KANSL1L: variants seen among roughly 807,000 people sequenced by gnomAD.
KANSL1L encodes KAT8 regulatory NSL complex subunit 1 like.
A neutral mutation model predicts 108.6 loss-of-function variants in KANSL1L; 25 were observed. That is an observed-to-expected ratio of 0.23 (90% CI 0.17 to 0.32). The LOEUF (loss-of-function observed/expected upper bound fraction) is 0.32, where lower values mean the gene tolerates loss of function less well. Ranked by LOEUF, KANSL1L falls within the 10% of genes least tolerant of loss-of-function variation. The pLI is 1.00. For synonymous variants in KANSL1L, 405 were observed against 395.1 expected (o/e 1.03, Z -0.30); for missense variants, 1,137 against 1,125.7 (o/e 1.01, Z -0.14).
intron 7 of KANSL1L, among the ~76,000 whole-genome samples, chr2:210,042,104 A>C (rs2094170753): frequency 6.6e-6 from 1 of 152,166 alleles, no homozygotes; most frequent in Non-Finnish European, 1.5e-5. Flanking sequence ...TGTTCTTTGC[A>C]ATTTGTGGGA....
At chr2:210,170,174 T>A (rs924010899) in intron 1 of KANSL1L, 1 of 165,830 alleles carries the variant, frequency 6.0e-6, no homozygotes, top group African/African-American at 2.4e-5. Context: ...TTAGGTTTTG[T>A]GGCTAACAAA....
chr2:210,047,843 C>T (rs1224296295), intron 6 of KANSL1L, among the ~76,000 whole-genome samples: 2 of 152,114 alleles, frequency 1.3e-5, no homozygotes, highest in African/African-American at 4.8e-5. Context: ...TTCTCTATCC[C>T]CACTACTAGC....
intron 3 of KANSL1L, among the ~76,000 whole-genome samples, chr2:210,110,569 T>C (rs2094893940): frequency 6.6e-6 from 1 of 152,084 alleles, no homozygotes; most frequent in African/African-American, 2.4e-5. Context: ...CAGAATATGG[T>C]CAAAGACAGA....
intron 4 of KANSL1L, among the ~76,000 whole-genome samples, chr2:210,102,528 C>A (rs1017713639): frequency 2.0e-5 from 3 of 152,092 alleles, no homozygotes; most frequent in Admixed American, 6.5e-5. Flanking sequence ...AGTGAACAGG[C>A]AACCTACAGA....
At chr2:210,079,590 C>G (rs1481829116) in intron 5 of KANSL1L, among the ~76,000 whole-genome samples, 42 of 46,050 alleles carry the variant, frequency 9.1e-4, no homozygotes, top group South Asian at 1.8e-3. Context: ...GACTCTGTCT[C>G]AAAAAAAAAA....
chr2:210,023,466 T>C (rs192182919), intron 14 of KANSL1L, among the ~76,000 whole-genome samples: 1 of 152,348 alleles, frequency 6.6e-6, no homozygotes, highest in African/African-American at 2.4e-5. Context: ...GAAAGTGTTC[T>C]TAGGTTTGAT....
rs570020317 is a variant in KANSL1L, at chr2:210,023,438, G to A, written c.2734-259C>T. Among the ~76,000 whole-genome samples the A allele has an allele frequency of 2.8e-4, 43 of 152,244 alleles. No homozygotes were observed. The South Asian group carries it at 3.9e-3, about 14-fold the overall frequency. On this transcript the variant is annotated intron_variant, in intron 14 of 14. Coordinates refer to ENST00000281772, the MANE Select transcript of KANSL1L (RefSeq NM_152519.4). ...GCCATAGGCAGTGGTCTTCATTTCC[G>A]ACCTAAGAGTACTTTGGGAAAGTGT... is the stretch of plus-strand genomic sequence containing the variant.
At chr2:210,155,964 A>G (rs918105877) in intron 1 of KANSL1L, among the ~76,000 whole-genome samples, 2 of 152,210 alleles carry the variant, frequency 1.3e-5, no homozygotes, top group African/African-American at 4.8e-5. Flanking sequence ...AACAAAAATG[A>G]TCAAGAAGAA....
chr2:210,049,449 C>G (rs1050163269), intron 6 of KANSL1L, among the ~76,000 whole-genome samples: 5 of 151,808 alleles, frequency 3.3e-5, no homozygotes, highest in African/African-American at 1.2e-4. Context: ...TCCTACCATA[C>G]CACTGGAGTC....
intron 2 of KANSL1L, among the ~76,000 whole-genome samples, chr2:210,143,647 G>A (rs1208431707): frequency 1.3e-5 from 2 of 151,900 alleles, no homozygotes; most frequent in Non-Finnish European, 2.9e-5. Context: ...TTTGCTTTGT[G>A]GTTACCATTA....
Position 210,153,871 on chromosome 2 carries a change from C to T in KANSL1L, c.712G>A (p.Ala238Thr). 1.2e-6 allele frequency: 2 copies of T among 1,612,710 alleles called. 1 individual carries two copies. The highest frequency in any genetic ancestry group is 2.2e-5 in the South Asian group (2 of 90,766). The change falls in exon 2 of 15, where the codon GCT (alanine) becomes ACT (threonine). Residue 238 changes from alanine (A) to threonine (T), a missense_variant. Transcript: ENST00000281772. ...TGCAAATGTTTCTGAGTTCTTCTAG[C>T]CTGGCTAAGTAAAATTTTCTGTTTG... is the stretch of plus-strand genomic sequence containing the variant. ...VSKQKILLSQARRTQKHLQML... is the reference protein window; with the variant it reads ...VSKQKILLSQTRRTQKHLQML...
At chr2:210,159,651 C>T (rs578147640) in intron 1 of KANSL1L, among the ~76,000 whole-genome samples, 1 of 152,300 alleles carries the variant, frequency 6.6e-6, no homozygotes, top group South Asian at 2.1e-4. Context: ...GTAGTAACAA[C>T]ACCTATTTCA....
At position 210,098,792 on chromosome 2, in the gene KANSL1L, A is replaced by G. The variant is rs190340170; in HGVS notation, c.1429-585T>C. Among the ~76,000 whole-genome samples, 5 of 140,922 alleles carry G rather than the reference A, an allele frequency of 3.5e-5. No individual in the cohort carries two copies. In the East Asian group the frequency reaches 6.3e-4, roughly 18 times the overall value. The allele number at this position is 140,922 out of a possible 152,430, so 92.5% of individuals were successfully genotyped here. A position where few individuals can be genotyped will look rare whatever the true frequency, so the allele number is the denominator to read the frequency against. On this transcript the variant is annotated intron_variant, in intron 4 of 14. Transcript: ENST00000281772. ...AAATCTAACAACACACTGTTTCTCA[A>G]TATTTTTCCTAATTCACAAATATCA...
intron 8 of KANSL1L, among the ~76,000 whole-genome samples, chr2:210,037,098 GAA>G (rs1212476506): frequency 4.6e-5 from 7 of 151,924 alleles, no homozygotes; most frequent in Non-Finnish European, 7.4e-5. Flanking sequence ...AACATTAAAA[GAA>G]ATATAATTAT....
intron 3 of KANSL1L, among the ~76,000 whole-genome samples, chr2:210,120,814 A>G (rs1012943828): frequency 6.6e-6 from 1 of 152,056 alleles, no homozygotes; most frequent in African/African-American, 2.4e-5. Flanking sequence ...TAAACAAACA[A>G]CCCCATAAAA....
chr2:210,123,971 T>G (rs1159536955), intron 3 of KANSL1L, among the ~76,000 whole-genome samples: 1 of 152,080 alleles, frequency 6.6e-6, no homozygotes. Context: ...CAGGCAACAT[T>G]TACACATCTA....
intron 1 of KANSL1L, among the ~76,000 whole-genome samples, chr2:210,162,837 T>C (rs556208812): frequency 9.2e-5 from 14 of 152,240 alleles, no homozygotes; most frequent in South Asian, 6.2e-4. Flanking sequence ...CAGATGAAGA[T>C]AGCAAAGCCG....
intron 7 of KANSL1L, 75 bp from the exon 8 acceptor site, chr2:210,040,602 A>C (rs945918846): frequency 2.8e-5 from 18 of 633,802 alleles, no homozygotes; most frequent in Non-Finnish European, 4.5e-5. Context: ...TGTAACATTA[A>C]AATTGCTTTC....
intron 3 of KANSL1L, among the ~76,000 whole-genome samples, chr2:210,109,754 A>AATCAGC (rs2094886553): frequency 6.6e-6 from 1 of 152,048 alleles, no homozygotes; most frequent in African/African-American, 2.4e-5. Flanking sequence ...ATGGCTCCTG[A>AATCAGC]ATCAGCCTGC....
Sources: allele counts gnomAD v4.1 joint callset (sites outside exome capture counted in the v4.1 genomes callset), GRCh38; gene constraint gnomAD v4.1.1; transcripts MANE v1.5; gene names NCBI Gene and HGNC (gene_info 2026-07-23, HGNC 2026-07-21).